ARL15: variants seen among roughly 807,000 people sequenced by gnomAD.
ARL15 encodes ARF like GTPase 15.
ARL15 carries 19 observed loss-of-function variants against 25.2 expected under a neutral mutation model. That is an observed-to-expected ratio of 0.75 (90% confidence interval 0.53 to 1.10). ARL15 has a LOEUF of 1.10. Among genes scored for constraint, ARL15 ranks in the 50% least tolerant of loss-of-function variants. The pLI is 0.00. For missense variants in ARL15, 220 were observed against 246.0 expected (o/e 0.89, Z 0.71); for synonymous variants, 94 against 86.8 (o/e 1.08, Z -0.46).
intron 1 of ARL15, among the ~76,000 whole-genome samples, chr5:54,246,794 GCATA>G (rs1554050199): frequency 4.0e-4 from 39 of 97,474 alleles, no homozygotes; most frequent in African/African-American, 1.3e-3. Context: ...TACAAAGCAT[GCATA>G]CACACACACA....
In ARL15 at chr5:54,015,279, C is replaced by T. The variant is rs568790695; in HGVS notation, c.462+97923G>A. Among the ~76,000 whole-genome samples the T allele has an allele frequency of 2.9e-5, 4 of 137,824 alleles. No individual in the cohort carries two copies. In the South Asian group the frequency reaches 7.5e-4, roughly 26 times the overall value. 90.4% of individuals were successfully genotyped at this position (137,824 alleles called of 152,430 possible). On this transcript the variant is annotated intron_variant, in intron 4 of 4. Transcript: ENST00000504924. Reference sequence around the variant, plus strand: ...TGCACTCCAGCCTAGGTAACAATAGCGAAACTCCATCTCAAAAAAAAAAAA... The same window carrying T: ...TGCACTCCAGCCTAGGTAACAATAGTGAAACTCCATCTCAAAAAAAAAAAA...
chr5:53,987,580 T>C (rs1170968511), intron 4 of ARL15, among the ~76,000 whole-genome samples: 1 of 152,104 alleles, frequency 6.6e-6, no homozygotes, highest in East Asian at 1.9e-4. Context: ...TTGTGGTTAA[T>C]GATTCTTTAA....
At chr5:54,272,897 T>TA (rs148886217) in intron 1 of ARL15, among the ~76,000 whole-genome samples, 2,725 of 152,306 alleles carry the variant, frequency 0.018, 30 homozygotes, top group Middle Eastern at 0.037. Flanking sequence ...TAAAGGCAGC[T>TA]AGCAGAGTAA....
chr5:53,947,647 T>C (rs745692027), intron 4 of ARL15, among the ~76,000 whole-genome samples: 1 of 152,150 alleles, frequency 6.6e-6, no homozygotes, highest in Non-Finnish European at 1.5e-5. Context: ...ATCTCCAGCA[T>C]GTGGGTCTTC....
chr5:54,220,775 T>C (rs1756351423), intron 1 of ARL15, among the ~76,000 whole-genome samples: 1 of 152,154 alleles, frequency 6.6e-6, no homozygotes, highest in South Asian at 2.1e-4. Flanking sequence ...ATGTGTGTTG[T>C]ATAATTTACT....
intron 4 of ARL15, among the ~76,000 whole-genome samples, chr5:54,089,152 G>GCT: frequency 6.6e-6 from 1 of 152,260 alleles, no homozygotes; most frequent in East Asian, 1.9e-4. Flanking sequence ...CAGGAAGCTG[G>GCT]CTCAGCCCAC....
At chr5:54,252,548 A>G (rs1757259345) in intron 1 of ARL15, among the ~76,000 whole-genome samples, 1 of 152,186 alleles carries the variant, frequency 6.6e-6, no homozygotes, top group Non-Finnish European at 1.5e-5. Flanking sequence ...AACCACCGAC[A>G]GGGTTCATGT....
rs576307501 is a variant in ARL15, at chr5:54,275,914, C to T, written c.48+34518G>A. ...TTCACCATGTTAGCCAGGATGGTCT[C>T]GATCTCCTGACCTCGTGATCCGCCC... is the stretch of plus-strand genomic sequence containing the variant. On this transcript the variant is annotated intron_variant, in intron 1 of 4. Transcript: ENST00000504924. Among the ~76,000 whole-genome samples the T allele has an allele frequency of 3.3e-5, 5 of 149,266 alleles. No homozygotes were observed. The South Asian group carries it at 6.4e-4, about 19-fold the overall frequency.
intron 1 of ARL15, among the ~76,000 whole-genome samples, chr5:54,194,772 A>T (rs1755505184): frequency 1.3e-5 from 2 of 152,202 alleles, no homozygotes; most frequent in Non-Finnish European, 2.9e-5. Context: ...ACTGTCTGAA[A>T]GGTTAAGCTT....
chr5:53,896,129 G>T (rs1425158859), intron 4 of ARL15, among the ~76,000 whole-genome samples: 2 of 152,128 alleles, frequency 1.3e-5, no homozygotes, highest in Non-Finnish European at 2.9e-5. Flanking sequence ...CACCTCCCAG[G>T]TTCAAGTGAT....
intron 4 of ARL15, among the ~76,000 whole-genome samples, chr5:54,092,210 A>G (rs987996965): frequency 1.3e-5 from 2 of 152,104 alleles, no homozygotes; most frequent in African/African-American, 2.4e-5. Context: ...GATGTCCACA[A>G]TCTTTTTGGA....
intron 1 of ARL15, among the ~76,000 whole-genome samples, chr5:54,206,160 T>A (rs1755862982): frequency 6.6e-6 from 1 of 152,202 alleles, no homozygotes; most frequent in Admixed American, 6.5e-5. Flanking sequence ...AGTTACATAG[T>A]TTATGTAGAG....
intron 1 of ARL15, among the ~76,000 whole-genome samples, chr5:54,287,401 C>T (rs1374136000): frequency 6.6e-6 from 1 of 151,664 alleles, no homozygotes; most frequent in Non-Finnish European, 1.5e-5. Flanking sequence ...TTCTTATAGG[C>T]ATGTCAGGAA....
intron 1 of ARL15, among the ~76,000 whole-genome samples, chr5:54,269,949 G>T (rs1324473354): frequency 6.6e-6 from 1 of 152,094 alleles, no homozygotes; most frequent in Non-Finnish European, 1.5e-5. Context: ...CCGGCCTGAG[G>T]ATTATTATTT....
chr5:54,259,905 C>A (rs1757454958), intron 1 of ARL15, among the ~76,000 whole-genome samples: 1 of 152,144 alleles, frequency 6.6e-6, no homozygotes, highest in African/African-American at 2.4e-5. Context: ...GATGCCTACC[C>A]AAAACACTTA....
chr5:54,217,067 C>T (rs986568792), intron 1 of ARL15, among the ~76,000 whole-genome samples: 9 of 151,872 alleles, frequency 5.9e-5, no homozygotes, highest in African/African-American at 1.7e-4. Context: ...AATAGGAAAA[C>T]GAGATAAACA....
At chr5:54,069,588 C>T (rs1017059825) in intron 4 of ARL15, among the ~76,000 whole-genome samples, 4 of 137,208 alleles carry the variant, frequency 2.9e-5, no homozygotes, top group Non-Finnish European at 4.7e-5. Flanking sequence ...AAAAAAACCA[C>T]GAAAAAACCA....
At chr5:54,251,691 T>C (rs1757240418) in intron 1 of ARL15, among the ~76,000 whole-genome samples, 2 of 152,252 alleles carry the variant, frequency 1.3e-5, no homozygotes, top group Non-Finnish European at 2.9e-5. Flanking sequence ...AGATTTTAAC[T>C]TCTTCAGTGT....
At chr5:54,000,615 T>C (rs925986284) in intron 4 of ARL15, among the ~76,000 whole-genome samples, 1 of 152,196 alleles carries the variant, frequency 6.6e-6, no homozygotes, top group Non-Finnish European at 1.5e-5. Flanking sequence ...CTGCGGTACA[T>C]ATAGTATCAC....
Sources: allele counts gnomAD v4.1 joint callset (sites outside exome capture counted in the v4.1 genomes callset), GRCh38; gene constraint gnomAD v4.1.1; transcripts MANE v1.5; gene names NCBI Gene and HGNC (gene_info 2026-07-23, HGNC 2026-07-21).